The following CORO7 variants were observed in gnomAD, a reference collection of about 807,000 sequenced individuals.
CORO7 encodes coronin-7.
In CORO7, 107 loss-of-function variants were observed where a neutral mutation model predicts 126.6. The observed-to-expected ratio is 0.85, with a 90% confidence interval of 0.72 to 0.99. The LOEUF (loss-of-function observed/expected upper bound fraction) is 0.99. Ranked by LOEUF, CORO7 falls within the 50% of genes least tolerant of loss-of-function variation. The pLI is 0.00. For synonymous variants in CORO7, 603 were observed against 536.8 expected, an observed-to-expected ratio of 1.12 and a Z score of -1.70; for missense variants, 1,314 against 1,255.8, an observed-to-expected ratio of 1.05 and a Z score of -0.70.
intron 9 of CORO7, among the ~76,000 whole-genome samples, chr16:4,377,104 G>A (rs1208361722): frequency 1.3e-5 from 2 of 152,134 alleles, no homozygotes; most frequent in Non-Finnish European, 2.9e-5. Flanking sequence ...GGACCCTGTC[G>A]CCCTATGCCA....
Position 4,360,470 on chromosome 16 carries a change from G to A in CORO7, c.1996C>T (p.Pro666Ser), listed in dbSNP as rs143426656. The A allele has an allele frequency of 1.6e-5, 26 of 1,612,398 alleles. No homozygotes were observed. In the African/African-American group the frequency reaches 3.3e-4, roughly 21 times the overall value. Residue 666 changes from proline (P) to serine (S), a missense_variant, in exon 20 of 28, where the codon CCC (proline) becomes TCC (serine). Physicochemically the swap from Pro to Ser is moderately conservative, Grantham distance 74 (BLOSUM62 -1). Coordinates refer to ENST00000251166, the MANE Select transcript of CORO7 (RefSeq NM_024535.5). ...TGCAGGGGCTCAGGGCCACTCCGGGGCCTGTAGACCCGCACACGCCCATCC... is the reference window on the plus strand; with the variant it reads ...TGCAGGGGCTCAGGGCCACTCCGGGACCTGTAGACCCGCACACGCCCATCC... ...CKDGRVRVYR[P>S]RSGPEPLQEG...
At chr16:4,395,188 G>A in intron 7 of CORO7, 101 bp downstream of exon 7, 1 of 1,548,748 alleles carries the variant, frequency 6.5e-7, no homozygotes, top group East Asian at 2.3e-5. Context: ...GAACATGTCT[G>A]CCAGGACCCC....
intron 7 of CORO7, among the ~76,000 whole-genome samples, chr16:4,391,453 G>A (rs1180268283): frequency 2.0e-5 from 3 of 152,208 alleles, no homozygotes; most frequent in African/African-American, 7.2e-5. Context: ...CTACTCGGGA[G>A]GCTGAGGCGG....
chr16:4,363,627 G>A (rs1432809909), intron 14 of CORO7, among the ~76,000 whole-genome samples: 4 of 151,886 alleles, frequency 2.6e-5, no homozygotes, highest in African/African-American at 9.7e-5. Flanking sequence ...CAGGAGAATT[G>A]CTTGAAACTG....
At chr16:4,389,961 A>G (rs1307217033) in intron 7 of CORO7, among the ~76,000 whole-genome samples, 1 of 152,210 alleles carries the variant, frequency 6.6e-6, no homozygotes, top group African/African-American at 2.4e-5. Context: ...GATAGAGGGC[A>G]GGTGCTGGGG....
intron 2 of CORO7, among the ~76,000 whole-genome samples, 191 bp downstream of exon 2, chr16:4,413,117 G>C (rs1481665801): frequency 6.6e-6 from 1 of 152,142 alleles, no homozygotes; most frequent in African/African-American, 2.4e-5. Context: ...CTAATCAAAA[G>C]CAATCAGATT....
At chr16:4,389,574 G>C (rs2055315466) in intron 7 of CORO7, among the ~76,000 whole-genome samples, 5 of 152,172 alleles carry the variant, frequency 3.3e-5, no homozygotes, top group Admixed American at 3.3e-4. Context: ...GAGACCATCG[G>C]AAACGGCTCC....
intron 9 of CORO7, among the ~76,000 whole-genome samples, chr16:4,373,012 G>T (rs553189319): frequency 2.6e-5 from 4 of 152,292 alleles, no homozygotes; most frequent in Admixed American, 2.6e-4. Flanking sequence ...TGTACTTTGG[G>T]TGTTGAGGGC....
intron 6 of CORO7, among the ~76,000 whole-genome samples, chr16:4,398,311 C>G (rs189785427): frequency 4.7e-4 from 72 of 152,262 alleles, no homozygotes; most frequent in South Asian, 3.3e-3. Flanking sequence ...AAACACAAAT[C>G]CAAACCACAG....
At position 4,362,888 on chromosome 16, in the gene CORO7, C is replaced by T. The variant is rs911923368; in HGVS notation, c.1276-150G>A. ...CATGCGACAGGAGCGGCGGGGGGCA[C>T]GGGCATAAACGCAGACACACAGGGA... On this transcript the variant is annotated intron_variant, in intron 14 of 27. Coordinates refer to ENST00000251166, the MANE Select transcript of CORO7 (RefSeq NM_024535.5). This position sits in a 1 kb window ranked among gnomAD's most constrained non-coding sequence, Gnocchi z 5.3. 7 of 908,544 alleles carry T rather than the reference C, an allele frequency of 7.7e-6. No homozygotes were observed. Among genetic ancestry groups the T allele is most frequent in the Middle Eastern group, 3.9e-4 (1 of 2,572 alleles). 56.3% of individuals were successfully genotyped at this position (908,544 alleles called of 1,614,324 possible). A position where few individuals can be genotyped will look rare whatever the true frequency, so the allele number is the denominator to read the frequency against.
At chr16:4,364,157 G>C in intron 14 of CORO7, 119 bp downstream of exon 14, 1 of 1,328,576 alleles carries the variant, frequency 7.5e-7, no homozygotes. Context: ...CTGCACTCTA[G>C]CTTGGGTGAC....
At chr16:4,416,117 G>T (rs1468428023) in intron 1 of CORO7, among the ~76,000 whole-genome samples, 2 of 152,076 alleles carry the variant, frequency 1.3e-5, no homozygotes, top group African/African-American at 4.8e-5. Context: ...CCCGGCTCCC[G>T]GCGAGGCCGA....
In CORO7 at chr16:4,355,375, G is replaced by C. The variant is rs370101157; in HGVS notation, c.2686-3C>G. On this transcript the variant is annotated splice_region_variant and splice_polypyrimidine_tract_variant and intron_variant, in intron 26 of 27. Transcript: ENST00000251166. ...TTTGCCACCATGGCATTCAGCAGCT[G>C]GGAGAGAGGGCAGAAGAAGGGTAGG... 3.9e-5 allele frequency: 62 copies of C among 1,608,128 alleles called. No individual in the cohort carries two copies. In the East Asian group the frequency reaches 1.2e-3, roughly 31 times the overall value.
At position 4,364,331 on chromosome 16, in the gene CORO7, G is replaced by A. The variant is rs1421056382; in HGVS notation, c.1220C>T (p.Pro407Leu). Reference protein sequence around the residue: ...SCLVPPAEPLPDTAQPAVMET... With the variant: ...SCLVPPAEPLLDTAQPAVMET... ...CATCACCGCAGGCTGGGCTGTGTCAGGGAGGGGCTCCGCAGGGGGCACCAG... is the reference window on the plus strand; with the variant it reads ...CATCACCGCAGGCTGGGCTGTGTCAAGGAGGGGCTCCGCAGGGGGCACCAG... The change falls in exon 14 of 28, where the codon CCT (proline) becomes CTT (leucine). Residue 407 changes from proline (P) to leucine (L), a missense_variant. Physicochemically the swap from Pro to Leu is moderately conservative, Grantham distance 98. Transcript: ENST00000251166. 12 of 1,539,778 alleles carry A rather than the reference G, an allele frequency of 7.8e-6. No individual in the cohort carries two copies. The Admixed American group carries it at 2.1e-4, about 27-fold the overall frequency.
At chr16:4,388,405 C>A (rs1490466839) in intron 8 of CORO7, 140 bp downstream of exon 8, 1 of 949,574 alleles carries the variant, frequency 1.1e-6, no homozygotes, top group African/African-American at 1.7e-5. Flanking sequence ...CTCTGAGACC[C>A]GGCAGCACAG....
chr16:4,391,149 C>T (rs996350492), intron 7 of CORO7, among the ~76,000 whole-genome samples: 12 of 152,184 alleles, frequency 7.9e-5, no homozygotes, highest in South Asian at 2.1e-4. Context: ...GTGGGCTGGG[C>T]GCAATGGTAC....
chr16:4,404,381 C>A (rs1369613418), intron 6 of CORO7, among the ~76,000 whole-genome samples: 1 of 152,222 alleles, frequency 6.6e-6, no homozygotes, highest in Non-Finnish European at 1.5e-5. Context: ...GCCCTGGTTT[C>A]AGGCTCCAGC....
At chr16:4,412,941 A>G (rs2056267538) in intron 2 of CORO7, 1 of 247,956 alleles carries the variant, frequency 4.0e-6, no homozygotes, top group African/African-American at 2.2e-5. Context: ...GAGAGTGCCA[A>G]CCAACACACG....
chr16:4,371,065 C>G (rs557346727), intron 9 of CORO7, among the ~76,000 whole-genome samples: 329 of 152,366 alleles, frequency 2.2e-3, no homozygotes, highest in Admixed American at 3.1e-3. Context: ...TCAAGGGCCA[C>G]TGTCAACTGC....
Sources: gnomAD v4.1 joint callset for allele counts (sites outside exome capture counted in the v4.1 genomes callset) on GRCh38, gnomAD v4.1.1 for gene constraint, Gnocchi (gnomAD v3.1) non-coding constraint, MANE v1.5 for transcripts, NCBI Gene and HGNC (gene_info 2026-07-23, HGNC 2026-07-21) for gene names.